Variants in SMARCD2 observed in about 807,000 individuals in gnomAD.
SMARCD2 encodes the protein SWI/SNF related BAF chromatin remodeling complex subunit D2, also known as SWI/SNF-related matrix-associated actin-dependent regulator of chromatin subfamily D member 2.
Under a neutral mutation model 70.4 loss-of-function variants are expected in SMARCD2, and 39 were observed. The observed-to-expected ratio is 0.55, with a 90% CI of 0.43 to 0.72. The LOEUF is 0.72. Among genes scored for constraint, SMARCD2 ranks in the 30% least tolerant of loss-of-function variants. The probability of loss-of-function intolerance (pLI) is 0.00; values close to 1 mark genes in which losing one functional copy is unlikely to be tolerated. For synonymous variants in SMARCD2, 249 were observed against 279.4 expected, an observed-to-expected ratio of 0.89 and a Z score of 1.08; for missense variants, 540 against 713.4, an observed-to-expected ratio of 0.76 and a Z score of 2.77.
At position 63,842,598 on chromosome 17, in the gene SMARCD2, C is replaced by A. The variant is rs2144643240; in HGVS notation, c.77G>T (p.Gly26Val). Residue 26 changes from glycine to valine, a missense_variant, in exon 1 of 13, where the codon GGA becomes GTA. Coordinates refer to ENST00000448276, the MANE Select transcript of SMARCD2 (RefSeq NM_001098426.2). Reference protein sequence around the residue: ...PGGGAVAAALGAPPPPAGPGM... With the variant: ...PGGGAVAAALVAPPPPAGPGM... ...GGGTCCCGCGGGGGGAGGCGGCGCT[C>A]CCAGGGCCGCAGCCACGGCGCCGCC... 2 of 1,219,612 alleles carry A rather than the reference C, an allele frequency of 1.6e-6. No individual in the cohort carries two copies. Among genetic ancestry groups the A allele is most frequent in the South Asian group, 3.9e-5 (1 of 25,708 alleles). 75.5% of individuals were successfully genotyped at this position (1,219,612 alleles called of 1,614,324 possible).
intron 1 of SMARCD2, among the ~76,000 whole-genome samples, chr17:63,841,084 A>C (rs1371917494): frequency 6.6e-6 from 1 of 152,256 alleles, no homozygotes; most frequent in Non-Finnish European, 1.5e-5. Context: ...CAAGGGCTAC[A>C]ATGAATGATG....
chr17:63,834,693 G>T lies in SMARCD2; in HGVS notation c.819+12C>A. 6.2e-7 allele frequency: 1 copy of T among 1,605,172 alleles called. No homozygotes were observed. Reference sequence around the variant, plus strand: ...GCACATCAGCCTGCTTTTGCCCCAGGCCCACTCTCACCTCCACCAGGTGAT... The same window carrying T: ...GCACATCAGCCTGCTTTTGCCCCAGTCCCACTCTCACCTCCACCAGGTGAT... On this transcript the variant is annotated intron_variant, in intron 6 of 12. Coordinates refer to ENST00000448276, the MANE Select transcript of SMARCD2 (RefSeq NM_001098426.2). This position sits in a 1 kb window ranked among gnomAD's most constrained non-coding sequence, Gnocchi z 5.6.
chr17:63,836,745 A>G, intron 4 of SMARCD2, 177 bp downstream of exon 4: 3 of 611,868 alleles, frequency 4.9e-6, no homozygotes, highest in Non-Finnish European at 8.8e-6. Flanking sequence ...CTACTGTCAT[A>G]TATTCATTTA....
intron 1 of SMARCD2, chr17:63,839,080 G>T: frequency 1.0e-6 from 1 of 985,374 alleles, no homozygotes; most frequent in Non-Finnish European, 1.2e-6. Flanking sequence ...TCTGCATCAG[G>T]AAGAGATTAA....
At position 63,834,043 on chromosome 17, in the gene SMARCD2, G is replaced by T; in HGVS notation, c.1084-37C>A. On this transcript the variant is annotated intron_variant, in intron 8 of 12. Transcript: ENST00000448276. The surrounding 1 kb of genome is among the most constrained non-coding windows in gnomAD (Gnocchi z 5.6). The stretch of plus-strand genomic sequence containing the variant: ...ACGAAAGGCTCAGCGTTGGCTTGTG[G>T]GCACAGTGGAGTGGACCATTCCAGG... 1 of 1,600,972 alleles carries T rather than the reference G, an allele frequency of 6.2e-7. No homozygotes were observed. The highest frequency in any genetic ancestry group is 8.6e-7 in the Non-Finnish European group (1 of 1,168,186).
At chr17:63,838,641 G>A (rs1192019318) in intron 1 of SMARCD2, 1 of 1,495,876 alleles carries the variant, frequency 6.7e-7, no homozygotes, top group Non-Finnish European at 8.9e-7. Context: ...TTTCTGTGGA[G>A]CCCATCTGGG....
In SMARCD2 at chr17:63,832,646, C is replaced by G. The variant is rs1030352449; in HGVS notation, c.*292G>C. The stretch of plus-strand genomic sequence containing the variant: ...CATGCAAACCCAGCAGCCTTTGGTT[C>G]GGAAATGTCTTACAATGTCAAAGCA... On this transcript the variant is annotated 3_prime_UTR_variant, in exon 13 of 13. Coordinates refer to ENST00000448276, the MANE Select transcript of SMARCD2 (RefSeq NM_001098426.2). The G allele has an allele frequency of 2.0e-6, 1 of 489,738 alleles. No homozygotes were observed. Among genetic ancestry groups the G allele is most frequent in the African/African-American group, 1.9e-5 (1 of 51,572 alleles). 30.3% of individuals were successfully genotyped at this position (489,738 alleles called of 1,614,324 possible). A position where few individuals can be genotyped will look rare whatever the true frequency, so the allele number is the denominator to read the frequency against.
chr17:63,834,040 G>C lies in SMARCD2; in HGVS notation c.1084-34C>G, dbSNP rs373144521. The C allele has an allele frequency of 1.3e-6, 2 of 1,599,256 alleles. No individual in the cohort carries two copies. Among genetic ancestry groups the C allele is most frequent in the Non-Finnish European group, 1.7e-6 (2 of 1,166,722 alleles). On this transcript the variant is annotated intron_variant, in intron 8 of 12. Transcript: ENST00000448276. This position sits in a 1 kb window ranked among gnomAD's most constrained non-coding sequence, Gnocchi z 5.6. Reference sequence around the variant, plus strand: ...AATACGAAAGGCTCAGCGTTGGCTTGTGGGCACAGTGGAGTGGACCATTCC... The same window carrying C: ...AATACGAAAGGCTCAGCGTTGGCTTCTGGGCACAGTGGAGTGGACCATTCC...
chr17:63,835,261 T>C (rs1342425304), intron 5 of SMARCD2, 151 bp downstream of exon 5: 14 of 708,292 alleles, frequency 2.0e-5, no homozygotes, highest in Non-Finnish European at 3.2e-5. Context: ...TAGCTGGGAC[T>C]ACAGGTGCAT....
Position 63,833,949 on chromosome 17 carries a change from G to T in SMARCD2, c.1141C>A (p.Leu381Met). The T allele has an allele frequency of 6.2e-7, 1 of 1,613,884 alleles. No homozygotes were observed. The highest frequency in any genetic ancestry group is 8.5e-7 in the Non-Finnish European group (1 of 1,179,748). Residue 381 changes from leucine (L) to methionine (M), a missense_variant, in exon 9 of 13, where the codon CTG (leucine) becomes ATG (methionine). By Grantham distance (15) the Leu-to-Met change is conservative (BLOSUM62 2). Coordinates refer to ENST00000448276, the MANE Select transcript of SMARCD2 (RefSeq NM_001098426.2). This position sits in a 1 kb window ranked among gnomAD's most constrained non-coding sequence, Gnocchi z 4.3. ...ATGACAATGGGGTCTGGATGCTGCA[G>T]CAACCCTGCCAGCTTCATGGGAATC... ...SEIPMKLAGL[L>M]QHPDPIVINH...
chr17:63,834,396 C>A lies in SMARCD2; in HGVS notation c.922-68G>T. The A allele has an allele frequency of 6.3e-7, 1 of 1,575,592 alleles. No individual in the cohort carries two copies. Among genetic ancestry groups the A allele is most frequent in the Non-Finnish European group, 8.7e-7 (1 of 1,152,766 alleles). ...GAACAGTGGGAAAATAGGGCAGGGA[C>A]AGGAAGGGTTTCTAGGAACCAGCTC... On this transcript the variant is annotated intron_variant, in intron 7 of 12. Transcript: ENST00000448276. This position sits in a 1 kb window ranked among gnomAD's most constrained non-coding sequence, Gnocchi z 5.6.
chr17:63,834,825 T>C lies in SMARCD2; in HGVS notation c.724-25A>G, dbSNP rs1259065420. 4 of 1,468,470 alleles carry C rather than the reference T, an allele frequency of 2.7e-6. No homozygotes were observed. The highest frequency in any genetic ancestry group is 3.4e-5 in the Admixed American group (2 of 59,642). The allele number at this position is 1,468,470 out of a possible 1,614,324, so 91.0% of individuals were successfully genotyped here. A position where few individuals can be genotyped will look rare whatever the true frequency, so the allele number is the denominator to read the frequency against. ...GCTGGGGATGGAAAGGGGTGTGAGA[T>C]GGTGCTGCTGAGCTCTCAAATCTCA... On this transcript the variant is annotated intron_variant, in intron 5 of 12. Coordinates refer to ENST00000448276, the MANE Select transcript of SMARCD2 (RefSeq NM_001098426.2). The surrounding 1 kb of genome is among the most constrained non-coding windows in gnomAD (Gnocchi z 5.6).
chr17:63,840,276 C>T (rs1267916001), intron 1 of SMARCD2, among the ~76,000 whole-genome samples: 1 of 151,800 alleles, frequency 6.6e-6, no homozygotes, highest in Admixed American at 6.6e-5. Context: ...CTCAAGCAAT[C>T]CTCCTGCCAC....
Position 63,833,462 on chromosome 17 carries a change from C to T in SMARCD2, c.1318-42G>A. 1.2e-6 allele frequency: 2 copies of T among 1,611,608 alleles called. No individual in the cohort carries two copies. Among genetic ancestry groups the T allele is most frequent in the South Asian group, 2.2e-5 (2 of 90,924 alleles). ...TGTCAGACTGTGCCCCCAAAGCTTA[C>T]ATGCAAGCAACTGAGCCAGAGTTCC... On this transcript the variant is annotated intron_variant, in intron 10 of 12. Coordinates refer to ENST00000448276, the MANE Select transcript of SMARCD2 (RefSeq NM_001098426.2). The surrounding 1 kb of genome is among the most constrained non-coding windows in gnomAD (Gnocchi z 4.3).
intron 1 of SMARCD2, among the ~76,000 whole-genome samples, chr17:63,842,116 A>C (rs1222750096): frequency 6.6e-6 from 1 of 151,698 alleles, no homozygotes. Flanking sequence ...CCTTTCCCAA[A>C]CTTTCTCATC....
rs559556928 is a variant in SMARCD2, at chr17:63,832,708, G to C, written c.*230C>G. ...AGTCCTACTTGGGCCTGCCTGCAGG[G>C]GGGCAGAGGAGGCATCTGCTGAACC... On this transcript the variant is annotated 3_prime_UTR_variant, in exon 13 of 13. Transcript: ENST00000448276. 63 of 581,860 alleles carry C rather than the reference G, an allele frequency of 1.1e-4. No individual in the cohort carries two copies. Among genetic ancestry groups the C allele is most frequent in the Non-Finnish European group, 1.9e-4 (62 of 324,894 alleles). 36.0% of individuals were successfully genotyped at this position (581,860 alleles called of 1,614,324 possible).
intron 1 of SMARCD2, among the ~76,000 whole-genome samples, chr17:63,838,005 C>T (rs1341162432): frequency 6.6e-6 from 1 of 152,164 alleles, no homozygotes; most frequent in African/African-American, 2.4e-5. Context: ...CCTGCCAAGC[C>T]CTGCCCTCCT....
intron 5 of SMARCD2, chr17:63,835,191 A>T (rs375117984): frequency 7.3e-5 from 41 of 558,810 alleles, no homozygotes; most frequent in East Asian, 1.8e-4. Flanking sequence ...TGGTGTGATC[A>T]TAACTCACTG....
At position 63,837,280 on chromosome 17, in the gene SMARCD2, A is replaced by T; in HGVS notation, c.402-43T>A. On this transcript the variant is annotated intron_variant, in intron 2 of 12. Transcript: ENST00000448276. This position sits in a 1 kb window ranked among gnomAD's most constrained non-coding sequence, Gnocchi z 6.4. ...CCACTTAAGAGGTCAATGGTCCAAA[A>T]AAGGACACTCACTCCCATAACGCCC... The T allele has an allele frequency of 6.3e-7, 1 of 1,599,712 alleles. No homozygotes were observed. Among genetic ancestry groups the T allele is most frequent in the Non-Finnish European group, 8.6e-7 (1 of 1,166,956 alleles).
Sources: allele counts gnomAD v4.1 joint callset (sites outside exome capture counted in the v4.1 genomes callset), GRCh38; gene constraint gnomAD v4.1.1; non-coding constraint Gnocchi (gnomAD v3.1); transcripts MANE v1.5; gene names NCBI Gene and HGNC (gene_info 2026-07-23, HGNC 2026-07-21).